ATRNL1: variants seen among roughly 807,000 people sequenced by gnomAD.
The protein encoded by ATRNL1 is attractin like 1, also known as attractin-like protein 1.
A neutral mutation model predicts 182.7 loss-of-function variants in ATRNL1; 95 were observed. The ratio of observed to expected loss-of-function variants is 0.52; its 90% CI spans 0.44 to 0.62. ATRNL1 has a LOEUF of 0.62. Ranked by LOEUF, ATRNL1 falls within the 20% of genes least tolerant of loss-of-function variation. The probability of loss-of-function intolerance (pLI) is 0.00; values close to 1 mark genes in which losing one functional copy is unlikely to be tolerated. For missense variants in ATRNL1, 1,471 were observed against 1,679.5 expected, an observed-to-expected ratio of 0.88 and a Z score of 2.17; for synonymous variants, 576 against 568.3, an observed-to-expected ratio of 1.01 and a Z score of -0.19.
intron 26 of ATRNL1, among the ~76,000 whole-genome samples, chr10:115,719,846 AC>A (rs1330899049): frequency 5.5e-5 from 7 of 127,360 alleles, no homozygotes; most frequent in Non-Finnish European, 8.3e-5. Context: ...AATTCTATCC[AC>A]CCCCCCACAC....
intron 28 of ATRNL1, among the ~76,000 whole-genome samples, chr10:115,853,842 G>T (rs1318924326): frequency 6.6e-6 from 1 of 152,062 alleles, no homozygotes; most frequent in Non-Finnish European, 1.5e-5. Context: ...ACAGAGATAA[G>T]AACAAATATC....
At chr10:115,704,735 A>G (rs782470472) in intron 26 of ATRNL1, among the ~76,000 whole-genome samples, 1 of 151,830 alleles carries the variant, frequency 6.6e-6, no homozygotes, top group Non-Finnish European at 1.5e-5. Flanking sequence ...GTCTAGCTTC[A>G]TTCCCACCAC....
intron 8 of ATRNL1, among the ~76,000 whole-genome samples, chr10:115,209,794 A>T: frequency 6.6e-6 from 1 of 152,020 alleles, no homozygotes; most frequent in Non-Finnish European, 1.5e-5. Flanking sequence ...TAGAGCATAT[A>T]TACATTTCCA....
intron 8 of ATRNL1, among the ~76,000 whole-genome samples, chr10:115,199,092 G>A (rs1251418153): frequency 6.6e-6 from 1 of 152,076 alleles, no homozygotes; most frequent in African/African-American, 2.4e-5. Flanking sequence ...ATCACTGTGG[G>A]AAGTATGGAT....
intron 26 of ATRNL1, among the ~76,000 whole-genome samples, chr10:115,594,582 C>T (rs1345635390): frequency 6.6e-6 from 1 of 152,238 alleles, no homozygotes; most frequent in Non-Finnish European, 1.5e-5. Flanking sequence ...TCGTGGCTCA[C>T]CGCAATCTCC....
At chr10:115,391,683 G>A (rs547140442) in intron 19 of ATRNL1, among the ~76,000 whole-genome samples, 7 of 151,758 alleles carry the variant, frequency 4.6e-5, no homozygotes, top group Non-Finnish European at 1.0e-4. Flanking sequence ...TTCCTTAGCT[G>A]TTGGGAAGGT....
At chr10:115,888,241 C>T (rs1951998386) in intron 28 of ATRNL1, among the ~76,000 whole-genome samples, 1 of 152,230 alleles carries the variant, frequency 6.6e-6, no homozygotes, top group South Asian at 2.1e-4. Flanking sequence ...CCTTCCCTGA[C>T]CTCCCTAATT....
intron 24 of ATRNL1, among the ~76,000 whole-genome samples, chr10:115,504,383 C>T (rs1382163443): frequency 6.6e-6 from 1 of 152,038 alleles, no homozygotes; most frequent in Non-Finnish European, 1.5e-5. Context: ...ATAACATTCC[C>T]TTCCCAAAAC....
chr10:115,241,470 A>G, intron 9 of ATRNL1, 101 bp from the exon 10 acceptor site: 1 of 660,050 alleles, frequency 1.5e-6, no homozygotes, highest in Non-Finnish European at 2.4e-6. Flanking sequence ...CCACAATTCC[A>G]GGGAAACCTC....
intron 13 of ATRNL1, among the ~76,000 whole-genome samples, chr10:115,277,892 C>T (rs1554915336): frequency 1.3e-5 from 2 of 152,036 alleles, no homozygotes; most frequent in African/African-American, 4.8e-5. Flanking sequence ...AAAACTTTTG[C>T]AGATTCTTTG....
chr10:115,532,487 C>A (rs1386691231), intron 25 of ATRNL1, among the ~76,000 whole-genome samples: 1 of 152,090 alleles, frequency 6.6e-6, no homozygotes, highest in Admixed American at 6.6e-5. Flanking sequence ...TATCCTGAGA[C>A]TTTGCTGAAG....
At chr10:115,678,207 A>C (rs920671044) in intron 26 of ATRNL1, among the ~76,000 whole-genome samples, 1 of 152,146 alleles carries the variant, frequency 6.6e-6, no homozygotes, top group Non-Finnish European at 1.5e-5. Context: ...GCATTATTTC[A>C]TATACTAAAT....
At chr10:115,521,801 A>T (rs535267607) in intron 25 of ATRNL1, among the ~76,000 whole-genome samples, 2 of 152,184 alleles carry the variant, frequency 1.3e-5, no homozygotes, top group Non-Finnish European at 2.9e-5. Flanking sequence ...GATCACTTAA[A>T]AAACTGGGTC....
At chr10:115,182,823 G>A (rs1012248676) in intron 8 of ATRNL1, among the ~76,000 whole-genome samples, 1 of 151,358 alleles carries the variant, frequency 6.6e-6, no homozygotes, top group African/African-American at 2.4e-5. Flanking sequence ...ATAGAAAACA[G>A]AAACCACAGG....
chr10:115,645,181 G>A (rs750776092), intron 26 of ATRNL1, among the ~76,000 whole-genome samples: 9 of 151,866 alleles, frequency 5.9e-5, no homozygotes, highest in Non-Finnish European at 1.2e-4. Context: ...AACAATAGAA[G>A]GGTATATATC....
chr10:115,713,554 T>A (rs1055327806), intron 26 of ATRNL1, among the ~76,000 whole-genome samples: 1 of 151,902 alleles, frequency 6.6e-6, no homozygotes, highest in African/African-American at 2.4e-5. Flanking sequence ...GTAAAGGAAC[T>A]AGTGTTGGCT....
intron 24 of ATRNL1, among the ~76,000 whole-genome samples, chr10:115,500,844 A>G (rs1273977159): frequency 6.6e-6 from 1 of 150,614 alleles, no homozygotes; most frequent in African/African-American, 2.4e-5. Context: ...CCTGGCCCAA[A>G]TAATTATTTT....
At chr10:115,767,242 C>T (rs1555075267) in intron 27 of ATRNL1, among the ~76,000 whole-genome samples, 4 of 152,148 alleles carry the variant, frequency 2.6e-5, no homozygotes, top group African/African-American at 9.7e-5. Context: ...CAATTCTCCT[C>T]CTAACTGAAC....
chr10:115,193,963 G>T (rs1490695246), intron 8 of ATRNL1, among the ~76,000 whole-genome samples: 1 of 151,668 alleles, frequency 6.6e-6, no homozygotes, highest in Non-Finnish European at 1.5e-5. Flanking sequence ...GACCGAAGTG[G>T]TTTTTTTAGA....
Sources: allele counts gnomAD v4.1 joint callset (sites outside exome capture counted in the v4.1 genomes callset), GRCh38; gene constraint gnomAD v4.1.1; transcripts MANE v1.5; gene names NCBI Gene and HGNC (gene_info 2026-07-23, HGNC 2026-07-21).